The following KSR2 variants were observed in gnomAD, a reference collection of about 807,000 sequenced individuals.
The protein encoded by KSR2 is kinase suppressor of ras 2.
KSR2 carries 25 observed loss-of-function variants against 107.8 expected under a neutral mutation model. The observed-to-expected ratio is 0.23, with a 90% confidence interval of 0.17 to 0.32. The LOEUF is 0.32. Ranked by LOEUF, KSR2 falls within the 10% of genes least tolerant of loss-of-function variation. The probability of loss-of-function intolerance (pLI) is 1.00; values close to 1 mark genes in which losing one functional copy is unlikely to be tolerated. For synonymous variants in KSR2, 480 were observed against 507.0 expected (o/e 0.95, Z 0.71); for missense variants, 887 against 1,268.9 (o/e 0.70, Z 4.57).
At chr12:117,577,430 C>T (rs1879352870) in intron 7 of KSR2, among the ~76,000 whole-genome samples, 1 of 152,052 alleles carries the variant, frequency 6.6e-6, no homozygotes, top group African/African-American at 2.4e-5. Context: ...CTGGACTGAG[C>T]GAGGCACTGT....
chr12:117,858,396 G>A (rs1243295439), intron 2 of KSR2, among the ~76,000 whole-genome samples: 2 of 152,120 alleles, frequency 1.3e-5, no homozygotes, highest in South Asian at 2.1e-4. Flanking sequence ...GCCATACTGG[G>A]AATGAAATAA....
At chr12:117,857,344 G>A (rs1893137046) in intron 2 of KSR2, among the ~76,000 whole-genome samples, 1 of 152,154 alleles carries the variant, frequency 6.6e-6, no homozygotes, top group Non-Finnish European at 1.5e-5. Flanking sequence ...ACGGACTTGA[G>A]CCACTGCACC....
At chr12:117,522,141 G>A (rs1874793669) in intron 14 of KSR2, among the ~76,000 whole-genome samples, 1 of 152,112 alleles carries the variant, frequency 6.6e-6, no homozygotes, top group Admixed American at 6.6e-5. Context: ...GGGGAGGGGG[G>A]CTCAGAATTT....
chr12:117,531,054 G>A, intron 11 of KSR2, 41 bp from the exon 12 acceptor site: 1 of 1,537,636 alleles, frequency 6.5e-7, no homozygotes, highest in Non-Finnish European at 9.0e-7. Flanking sequence ...AAAATGTGAA[G>A]TCCACAACCC....
intron 1 of KSR2, among the ~76,000 whole-genome samples, chr12:117,962,727 G>C (rs112662385): frequency 0.12 from 17,296 of 149,738 alleles, 1,304 homozygotes; most frequent in African/African-American, 0.21. Context: ...TTACAGGCGT[G>C]AGCCACTGTG....
rs535132244 is a variant in KSR2 at position 117,920,087 on chromosome 12, C to T, written c.180+47989G>A. On this transcript the variant is annotated intron_variant, in intron 1 of 19. Transcript: ENST00000339824. ...GGAATAGGCTGGGCATGGTGGCTCA[C>T]GCCTGTAATAATTTTTAACAATTTA... Among the ~76,000 whole-genome samples the T allele has an allele frequency of 1.0e-3, 153 of 152,248 alleles. 1 individual carries two copies. The highest frequency in any genetic ancestry group is 2.0e-3 in the African/African-American group (82 of 41,554).
At chr12:117,700,047 A>ATTT (rs111936904) in intron 4 of KSR2, among the ~76,000 whole-genome samples, 77 of 148,252 alleles carry the variant, frequency 5.2e-4, no homozygotes, top group Middle Eastern at 3.5e-3. Context: ...TAATTTTGGT[A>ATTT]CTTTTTTTTT....
chr12:117,687,530 G>A (rs1885624425), intron 4 of KSR2, among the ~76,000 whole-genome samples: 1 of 152,138 alleles, frequency 6.6e-6, no homozygotes, highest in East Asian at 1.9e-4. Context: ...GCTGCAAATT[G>A]TCACTTAACG....
intron 3 of KSR2, among the ~76,000 whole-genome samples, chr12:117,822,945 C>T (rs979492130): frequency 1.3e-5 from 2 of 152,190 alleles, no homozygotes; most frequent in Admixed American, 1.3e-4. Context: ...CAAGAGAAAA[C>T]AGAGAAGTGC....
chr12:117,504,129 C>T (rs1404312893), intron 14 of KSR2, among the ~76,000 whole-genome samples: 1 of 152,182 alleles, frequency 6.6e-6, no homozygotes, highest in East Asian at 1.9e-4. Context: ...CACTCTAGGG[C>T]TGTGACCTCA....
At chr12:117,797,498 C>T (rs570989154) in intron 3 of KSR2, among the ~76,000 whole-genome samples, 18 of 150,314 alleles carry the variant, frequency 1.2e-4, no homozygotes, top group African/African-American at 3.2e-4. Context: ...GAATGAGGAG[C>T]GACTGTTTAA....
chr12:117,804,609 A>G (rs753983655), intron 3 of KSR2, among the ~76,000 whole-genome samples: 12 of 152,144 alleles, frequency 7.9e-5, no homozygotes, highest in Admixed American at 3.9e-4. Flanking sequence ...TGCTTTTATC[A>G]TCTTTATCTC....
Position 117,761,268 on chromosome 12 carries a change from C to A in KSR2, c.729G>T (p.Ser243=), listed in dbSNP as rs758173069. 6.5e-7 allele frequency: 1 copy of A among 1,528,554 alleles called. No homozygotes were observed. Among genetic ancestry groups the A allele is most frequent in the East Asian group, 2.3e-5 (1 of 43,836 alleles). 94.7% of individuals were successfully genotyped at this position (1,528,554 alleles called of 1,614,324 possible). ...GCGATGGGGGCAGGGAACGGTGGCCCGACTCCAGTGGCGGGGGCGGGCACA... is the reference window on the plus strand; with the variant it reads ...GCGATGGGGGCAGGGAACGGTGGCCAGACTCCAGTGGCGGGGGCGGGCACA... The part of the protein sequence containing the change: ...PGLCPPPPLE[S]GHRSLPPSPR... The change falls in exon 4 of 20, where the codon TCG becomes TCT. Residue 243 remains serine, a synonymous_variant. Coordinates refer to ENST00000339824, the MANE Select transcript of KSR2 (RefSeq NM_173598.6).
At chr12:117,877,431 C>T (rs1161325885) in intron 1 of KSR2, among the ~76,000 whole-genome samples, 6 of 152,142 alleles carry the variant, frequency 3.9e-5, no homozygotes, top group Non-Finnish European at 8.8e-5. Context: ...ATAAAACTCA[C>T]ATTTGTTGAT....
intron 9 of KSR2, among the ~76,000 whole-genome samples, chr12:117,544,236 T>A (rs562026472): frequency 7.3e-4 from 111 of 152,328 alleles, no homozygotes; most frequent in Non-Finnish European, 7.8e-4. Context: ...TTATCAGATA[T>A]ACACCAAAGT....
chr12:117,476,637 AG>A (rs764619351), intron 16 of KSR2, 42 bp from the exon 17 acceptor site: 54 of 1,574,586 alleles, frequency 3.4e-5, no homozygotes, highest in South Asian at 9.4e-5. Flanking sequence ...TTCATAGCCC[AG>A]GGTGGACCAG....
intron 6 of KSR2, among the ~76,000 whole-genome samples, chr12:117,581,773 C>T (rs139423279): frequency 8.0e-4 from 122 of 152,326 alleles, no homozygotes; most frequent in African/African-American, 1.6e-3. Context: ...CTGGACTGAA[C>T]GCCGCACCAG....
At chr12:117,933,035 C>T (rs781041009) in intron 1 of KSR2, among the ~76,000 whole-genome samples, 6 of 151,710 alleles carry the variant, frequency 4.0e-5, no homozygotes, top group Non-Finnish European at 7.4e-5. Context: ...TAAATAAAAA[C>T]AAAAAGATCA....
chr12:117,880,975 A>AT (rs58189046), intron 1 of KSR2, among the ~76,000 whole-genome samples: 57,518 of 146,436 alleles, frequency 0.39, 13,595 homozygotes, highest in East Asian at 0.87. Flanking sequence ...TGGTCTTTTT[A>AT]TTTTTTTTTT....
Sources: allele counts gnomAD v4.1 joint callset (sites outside exome capture counted in the v4.1 genomes callset), GRCh38; gene constraint gnomAD v4.1.1; transcripts MANE v1.5; gene names NCBI Gene and HGNC (gene_info 2026-07-23, HGNC 2026-07-21).